The following WARS2 variants were observed in gnomAD, a reference collection of about 807,000 sequenced individuals.
The protein encoded by WARS2 is tryptophanyl tRNA synthetase 2, mitochondrial.
In WARS2, 28 loss-of-function variants were observed where a neutral mutation model predicts 36.5. The ratio of observed to expected loss-of-function variants is 0.77; its 90% CI spans 0.57 to 1.05. The LOEUF (loss-of-function observed/expected upper bound fraction) is 1.05. Ranked by LOEUF, WARS2 falls within the 50% of genes least tolerant of loss-of-function variation. The probability of loss-of-function intolerance (pLI) is 0.00; values close to 1 mark genes in which losing one functional copy is unlikely to be tolerated. For synonymous variants in WARS2, 174 were observed against 178.4 expected, an observed-to-expected ratio of 0.98 and a Z score of 0.20; for missense variants, 435 against 456.8, an observed-to-expected ratio of 0.95 and a Z score of 0.44.
intron 1 of WARS2, among the ~76,000 whole-genome samples, chr1:119,122,982 T>A (rs756689553): frequency 2.0e-5 from 3 of 152,132 alleles, no homozygotes; most frequent in Non-Finnish European, 4.4e-5. Context: ...ATGTAGGAGT[T>A]CTTAACTTGG....
At chr1:119,062,972 A>G (rs1177669775) in intron 2 of WARS2, 1 of 153,016 alleles carries the variant, frequency 6.5e-6, no homozygotes, top group African/African-American at 2.4e-5. Context: ...GGAACTGGGT[A>G]ACAGGCAGAG....
chr1:119,059,187 T>G lies in WARS2; in HGVS notation c.349-13525A>C, dbSNP rs530165728. 1.6e-4 allele frequency among the ~76,000 whole-genome samples: 24 copies of G among 152,258 alleles called. No homozygotes were observed. The East Asian group carries it at 3.7e-3, about 23-fold the overall frequency. On this transcript the variant is annotated intron_variant, in intron 2 of 5. Transcript: ENST00000235521. ...TTCTTGTAAATTTGTTTGAGTTCAT[T>G]GTAGATTCTAGATATTAGCCCTTTG...
At chr1:119,064,247 C>T (rs555107509) in intron 2 of WARS2, 1 of 152,230 alleles carries the variant, frequency 6.6e-6, no homozygotes, top group East Asian at 1.9e-4. Context: ...ACCAATTTCT[C>T]CCATTTGGAA....
rs187265999 is a variant in WARS2 at position 119,055,132 on chromosome 1, T to C, written c.349-9470A>G. Reference sequence around the variant, plus strand: ...AAGTTGGAAAAAATGGTAAATTTTATGTTATGTGAGTTTTGTTTCAATAAA... The same window carrying C: ...AAGTTGGAAAAAATGGTAAATTTTACGTTATGTGAGTTTTGTTTCAATAAA... On this transcript the variant is annotated intron_variant, in intron 2 of 5. Coordinates refer to ENST00000235521, the MANE Select transcript of WARS2 (RefSeq NM_015836.4). Among the ~76,000 whole-genome samples, 240 of 152,336 alleles carry C rather than the reference T, an allele frequency of 1.6e-3. 5 individuals carry two copies. The highest frequency in any genetic ancestry group is 0.01 in the Middle Eastern group (3 of 294).
chr1:119,059,452 G>A (rs1398668400), intron 2 of WARS2, among the ~76,000 whole-genome samples: 1 of 152,070 alleles, frequency 6.6e-6, no homozygotes, highest in Non-Finnish European at 1.5e-5. Context: ...TAACGTTTAA[G>A]TCTTTAATCC....
chr1:119,126,735 G>C lies in WARS2; in HGVS notation c.90+13820C>G. ...ACAGAGAGGATAAATAGATTGGCAA[G>C]CCTTTTCTATGTCTTTTCCAATACT... is the stretch of plus-strand genomic sequence containing the variant. On this transcript the variant is annotated intron_variant, in intron 1 of 5. Coordinates refer to ENST00000235521, the MANE Select transcript of WARS2 (RefSeq NM_015836.4). The C allele has an allele frequency of 4.1e-6, 3 of 734,202 alleles. No homozygotes were observed. The Admixed American group carries it at 5.2e-5, about 13-fold the overall frequency. 45.5% of individuals were successfully genotyped at this position (734,202 alleles called of 1,614,324 possible).
chr1:119,135,788 G>T (rs1301668789), intron 1 of WARS2, among the ~76,000 whole-genome samples: 1 of 151,554 alleles, frequency 6.6e-6, no homozygotes, highest in African/African-American at 2.4e-5. Flanking sequence ...GGGTTTTGGG[G>T]TTTTTTTGTT....
At chr1:119,066,256 T>C (rs1205383475) in intron 2 of WARS2, among the ~76,000 whole-genome samples, 1 of 152,012 alleles carries the variant, frequency 6.6e-6, no homozygotes, top group East Asian at 1.9e-4. Context: ...GGTGGGCGGA[T>C]CACAAGGTCA....
intron 1 of WARS2, among the ~76,000 whole-genome samples, chr1:119,078,491 C>T (rs962879864): frequency 1.2e-4 from 19 of 152,132 alleles, no homozygotes; most frequent in African/African-American, 4.6e-4. Context: ...TCCTCATCAA[C>T]ACTTGGTATT....
At position 119,076,488 on chromosome 1, in the gene WARS2, T is replaced by C. The variant is rs1399096484; in HGVS notation, c.210A>G (p.Leu70=). The C allele has an allele frequency of 1.3e-5, 21 of 1,614,156 alleles. No homozygotes were observed. Among genetic ancestry groups the C allele is most frequent in the Non-Finnish European group, 1.6e-5 (19 of 1,180,022 alleles). The change falls in exon 2 of 6, where the codon TTA becomes TTG. Residue 70 remains leucine (L), a synonymous_variant. Coordinates refer to ENST00000235521, the MANE Select transcript of WARS2 (RefSeq NM_015836.4). ...TGGAGTGGAGGTCAACAATGCTGTA[T>C]AATACAGAGTCATATTCATCCTGTA... ...VRLQDEYDSV[L]YSIVDLHSIT...
At chr1:119,105,546 A>T (rs1459671453) in intron 1 of WARS2, among the ~76,000 whole-genome samples, 1 of 152,102 alleles carries the variant, frequency 6.6e-6, no homozygotes, top group Non-Finnish European at 1.5e-5. Context: ...AAGATAAGTG[A>T]CCGACAAAGT....
intron 1 of WARS2, among the ~76,000 whole-genome samples, chr1:119,092,749 A>C (rs1653132725): frequency 6.6e-6 from 1 of 152,226 alleles, no homozygotes; most frequent in Non-Finnish European, 1.5e-5. Context: ...GATTTATAGG[A>C]GAATTGCAAG....
intron 2 of WARS2, among the ~76,000 whole-genome samples, chr1:119,068,128 A>G (rs1352794449): frequency 2.0e-5 from 3 of 152,232 alleles, no homozygotes; most frequent in Non-Finnish European, 4.4e-5. Context: ...CAAGTCCACT[A>G]ATCTACGCAG....
intron 1 of WARS2, among the ~76,000 whole-genome samples, chr1:119,135,765 G>GAT (rs1557764004): frequency 2.0e-5 from 3 of 151,620 alleles, no homozygotes; most frequent in Non-Finnish European, 2.9e-5. Flanking sequence ...GAGATAGAGA[G>GAT]AGAGAGAGAG....
At chr1:119,082,565 C>A in intron 1 of WARS2, 1 of 470,704 alleles carries the variant, frequency 2.1e-6, no homozygotes, top group Non-Finnish European at 2.8e-6. Flanking sequence ...TGCCACTGGA[C>A]TCCAAATTCT....
At chr1:119,088,982 T>C (rs1392565324) in intron 1 of WARS2, among the ~76,000 whole-genome samples, 1 of 152,162 alleles carries the variant, frequency 6.6e-6, no homozygotes. Flanking sequence ...GTTAGCTCAG[T>C]TGGTTGGCCA....
chr1:119,109,853 T>C (rs950032165), intron 1 of WARS2, among the ~76,000 whole-genome samples: 1 of 151,818 alleles, frequency 6.6e-6, no homozygotes, highest in Non-Finnish European at 1.5e-5. Context: ...TAATTGGGCA[T>C]TTTATATGAT....
At chr1:119,041,791 T>A (rs1648388972) in intron 4 of WARS2, among the ~76,000 whole-genome samples, 1 of 152,192 alleles carries the variant, frequency 6.6e-6, no homozygotes, top group African/African-American at 2.4e-5. Flanking sequence ...TGGGGAAATA[T>A]ATATAGCTAC....
At chr1:119,086,191 G>T (rs998876043) in intron 1 of WARS2, among the ~76,000 whole-genome samples, 4 of 152,150 alleles carry the variant, frequency 2.6e-5, no homozygotes, top group African/African-American at 9.7e-5. Context: ...TGATTTTCAA[G>T]TGTTCATTCT....
Sources: allele counts gnomAD v4.1 joint callset (sites outside exome capture counted in the v4.1 genomes callset), GRCh38; gene constraint gnomAD v4.1.1; transcripts MANE v1.5; gene names NCBI Gene and HGNC (gene_info 2026-07-23, HGNC 2026-07-21).